The following SNX31 variants were observed in gnomAD, a reference collection of about 807,000 sequenced individuals.
SNX31 encodes sorting nexin 31, also known as sorting nexin-31.
A neutral mutation model predicts 65.4 loss-of-function variants in SNX31; 58 were observed. That is an observed-to-expected ratio of 0.89 (90% CI 0.72 to 1.10). The LOEUF (loss-of-function observed/expected upper bound fraction) is 1.10. Among genes scored for constraint, SNX31 ranks in the 50% least tolerant of loss-of-function variants. SNX31 has a pLI of 0.00. For missense variants in SNX31, 523 were observed against 529.7 expected (o/e 0.99, Z 0.12); for synonymous variants, 181 against 190.1 (o/e 0.95, Z 0.39).
chr8:100,619,052 C>G (rs1414091158), intron 4 of SNX31: 1 of 152,182 alleles, frequency 6.6e-6, no homozygotes, highest in Non-Finnish European at 1.5e-5. Context: ...TCCCAATCCT[C>G]TAATCATGCC....
chr8:100,614,587 C>G lies in SNX31; in HGVS notation c.433-1502G>C, dbSNP rs1817006381. 6.6e-6 allele frequency among the ~76,000 whole-genome samples: 1 copy of G among 152,010 alleles called. No homozygotes were observed. The highest frequency in any genetic ancestry group is 1.5e-5 in the Non-Finnish European group (1 of 67,992). Reference sequence around the variant, plus strand: ...GCTTGCTGCTGGCCCTTAAAGAGGCCATTGAGGCCCGGCACGGTGGCTCAT... The same window carrying G: ...GCTTGCTGCTGGCCCTTAAAGAGGCGATTGAGGCCCGGCACGGTGGCTCAT... On this transcript the variant is annotated intron_variant, in intron 5 of 13. Transcript: ENST00000311812. The surrounding 1 kb of genome is among the most constrained non-coding windows in gnomAD (Gnocchi z 5.1).
intron 2 of SNX31, among the ~76,000 whole-genome samples, chr8:100,640,823 T>C (rs1015391339): frequency 6.6e-6 from 1 of 152,144 alleles, no homozygotes; most frequent in Non-Finnish European, 1.5e-5. Context: ...AAGAAACTGT[T>C]ACAGACAAGA....
rs1816504273 is a variant in SNX31, at chr8:100,609,421, C to T, written c.612-858G>A. Among the ~76,000 whole-genome samples the T allele has an allele frequency of 6.6e-6, 1 of 152,186 alleles. No homozygotes were observed. Among genetic ancestry groups the T allele is most frequent in the Non-Finnish European group, 1.5e-5 (1 of 68,036 alleles). ...TCTTGACACCATCTGTGAAGAACCC[C>T]AAGGCCAGGGGCCTATCCAGAGTTG... is the stretch of plus-strand genomic sequence containing the variant. On this transcript the variant is annotated intron_variant, in intron 7 of 13. Transcript: ENST00000311812. The surrounding 1 kb of genome is among the most constrained non-coding windows in gnomAD (Gnocchi z 4.9).
intron 8 of SNX31, among the ~76,000 whole-genome samples, chr8:100,601,768 C>A (rs112122910): frequency 6.6e-6 from 1 of 152,218 alleles, no homozygotes; most frequent in Non-Finnish European, 1.5e-5. Context: ...TTCAGCAGAA[C>A]GACACTGGGC....
At chr8:100,615,766 G>GTTA (rs955711958) in intron 5 of SNX31, among the ~76,000 whole-genome samples, 3 of 151,954 alleles carry the variant, frequency 2.0e-5, no homozygotes, top group Non-Finnish European at 4.4e-5. Context: ...CATATCTATT[G>GTTA]TTATTATTAT....
At chr8:100,631,712 GA>G (rs1462497639) in intron 3 of SNX31, among the ~76,000 whole-genome samples, 2 of 152,172 alleles carry the variant, frequency 1.3e-5, no homozygotes, top group African/African-American at 4.8e-5. Context: ...AATAAACGAA[GA>G]GAGAAAGTCC....
intron 1 of SNX31, among the ~76,000 whole-genome samples, chr8:100,658,294 G>A (rs569711125): frequency 6.6e-6 from 1 of 152,310 alleles, no homozygotes; most frequent in South Asian, 2.1e-4. Flanking sequence ...TCCCTGGGAA[G>A]CTACGTTAGA....
At chr8:100,596,525 C>T (rs1413112789) in intron 10 of SNX31, 114 bp downstream of exon 10, 4 of 826,390 alleles carry the variant, frequency 4.8e-6, no homozygotes, top group Admixed American at 2.1e-5. Flanking sequence ...TTAGATGTCA[C>T]TCCACTCAAG....
intron 13 of SNX31, among the ~76,000 whole-genome samples, chr8:100,574,673 G>A (rs149489130): frequency 0.022 from 3,363 of 150,578 alleles, 136 homozygotes; most frequent in African/African-American, 0.074. Flanking sequence ...AGTGGCTCAC[G>A]CCTGTAATCC....
chr8:100,619,607 G>A lies in SNX31; in HGVS notation c.322-1877C>T, dbSNP rs192482668. On this transcript the variant is annotated intron_variant, in intron 4 of 13. Transcript: ENST00000311812. ...GGAAGCAGGATCCAGAGAGGCCAGC[G>A]GCTGCCCACATGGGGCCTTGCAGGG... 3.2e-4 allele frequency among the ~76,000 whole-genome samples: 48 copies of A among 152,328 alleles called. No individual in the cohort carries two copies. The East Asian group carries it at 8.5e-3, about 27-fold the overall frequency.
intron 11 of SNX31, among the ~76,000 whole-genome samples, chr8:100,587,523 GGT>G (rs1554572348): frequency 4.6e-5 from 7 of 152,102 alleles, no homozygotes; most frequent in Non-Finnish European, 1.0e-4. Flanking sequence ...CTGCATTAAT[GGT>G]ACGTCATGTT....
intron 3 of SNX31, 77 bp downstream of exon 3, chr8:100,635,820 C>G: frequency 2.2e-6 from 2 of 921,780 alleles, no homozygotes; most frequent in Non-Finnish European, 3.5e-6. Flanking sequence ...GAATTGTACA[C>G]TTTAGCAGGT....
intron 4 of SNX31, among the ~76,000 whole-genome samples, chr8:100,624,758 G>GA (rs1188872322): frequency 9.2e-5 from 14 of 152,210 alleles, no homozygotes; most frequent in African/African-American, 3.4e-4. Context: ...CAACCTGGTA[G>GA]AATTGGCTTG....
rs750081897 is a variant in SNX31, at chr8:100,660,013, G to A, written c.-58+3129C>T. 1.8e-4 allele frequency among the ~76,000 whole-genome samples: 27 copies of A among 151,930 alleles called. No individual in the cohort carries two copies. Among genetic ancestry groups the A allele is most frequent in the Non-Finnish European group, 2.5e-4 (17 of 67,992 alleles). On this transcript the variant is annotated intron_variant, in intron 1 of 5. Coordinates refer to the SNX31 transcript ENST00000520352. This position sits in a 1 kb window ranked among gnomAD's most constrained non-coding sequence, Gnocchi z 4.1. The stretch of plus-strand genomic sequence containing the variant: ...GATAATAATAGAAGGATTAACAATA[G>A]ATAGAAAAATGACTTAGGAACTACA...
In SNX31 at chr8:100,639,933, G is replaced by C. The variant is rs149771498; in HGVS notation, c.142-3922C>G. Reference sequence around the variant, plus strand: ...TGAAAAAAACAAATCAGGAATGGGAGTATGTCAGAGACAAGGAGCAAAATG... The same window carrying C: ...TGAAAAAAACAAATCAGGAATGGGACTATGTCAGAGACAAGGAGCAAAATG... On this transcript the variant is annotated intron_variant, in intron 2 of 13. Transcript: ENST00000311812. 2.4e-4 allele frequency among the ~76,000 whole-genome samples: 36 copies of C among 152,262 alleles called. No homozygotes were observed. In the Middle Eastern group the frequency reaches 0.01, roughly 43 times the overall value.
intron 9 of SNX31, among the ~76,000 whole-genome samples, chr8:100,599,739 T>C (rs1400640711): frequency 6.6e-6 from 1 of 152,208 alleles, no homozygotes; most frequent in Non-Finnish European, 1.5e-5. Context: ...TCTGTTAAAA[T>C]ACGTCTTGTC....
At chr8:100,597,065 G>A (rs1413971889) in intron 9 of SNX31, among the ~76,000 whole-genome samples, 4 of 152,164 alleles carry the variant, frequency 2.6e-5, no homozygotes. Context: ...CCAGGGAAGG[G>A]ACCATTCCTG....
chr8:100,573,836 A>G lies in SNX31; in HGVS notation c.*29T>C. 2 of 1,476,858 alleles carry G rather than the reference A, an allele frequency of 1.4e-6. No individual in the cohort carries two copies. Among genetic ancestry groups the G allele is most frequent in the Non-Finnish European group, 1.9e-6 (2 of 1,076,966 alleles). 91.5% of individuals were successfully genotyped at this position (1,476,858 alleles called of 1,614,324 possible). A position where few individuals can be genotyped will look rare whatever the true frequency, so the allele number is the denominator to read the frequency against. ...CTTTCACTGTCTTGAGATAGCCTCC[A>G]AGGATATTTTAAAATATGAGAGCTT... On this transcript the variant is annotated 3_prime_UTR_variant, in exon 14 of 14. Transcript: ENST00000311812.
chr8:100,579,850 T>C (rs1813343018), intron 12 of SNX31, among the ~76,000 whole-genome samples: 1 of 152,152 alleles, frequency 6.6e-6, no homozygotes, highest in African/African-American at 2.4e-5. Flanking sequence ...AAACTAGGTA[T>C]AGATTATTAG....
Sources: gnomAD v4.1 joint callset for allele counts (sites outside exome capture counted in the v4.1 genomes callset) on GRCh38, gnomAD v4.1.1 for gene constraint, Gnocchi (gnomAD v3.1) non-coding constraint, MANE v1.5 for transcripts, NCBI Gene and HGNC (gene_info 2026-07-23, HGNC 2026-07-21) for gene names.